CCDC148: variants seen among roughly 807,000 people sequenced by gnomAD.
CCDC148 encodes the protein coiled-coil domain-containing protein 148.
CCDC148 carries 89 observed loss-of-function variants against 85.7 expected under a neutral mutation model. That is an observed-to-expected ratio of 1.04 (90% CI 0.87 to 1.24). The LOEUF is 1.24. Among genes scored for constraint, CCDC148 ranks in the 50% most tolerant of loss-of-function variants. The probability of loss-of-function intolerance (pLI) is 0.00; values close to 1 mark genes in which losing one functional copy is unlikely to be tolerated. For missense variants in CCDC148, 692 were observed against 671.7 expected (o/e 1.03, Z -0.33); for synonymous variants, 230 against 213.9 (o/e 1.08, Z -0.66).
intron 1 of CCDC148, among the ~76,000 whole-genome samples, chr2:158,418,033 T>C (rs1028780176): frequency 6.6e-5 from 10 of 151,998 alleles, no homozygotes; most frequent in Admixed American, 1.3e-4. Flanking sequence ...CTATTATTTT[T>C]TTAAAAAATC....
At chr2:158,433,074 C>CAAAAAAAA (rs755383954) in intron 1 of CCDC148, among the ~76,000 whole-genome samples, 52 of 74,012 alleles carry the variant, frequency 7.0e-4, no homozygotes, top group East Asian at 1.1e-3. Context: ...CTCATCTCTA[C>CAAAAAAAA]AAAAAAAAAA....
chr2:158,177,882 C>T (rs540773041), intron 12 of CCDC148, among the ~76,000 whole-genome samples: 5 of 152,176 alleles, frequency 3.3e-5, no homozygotes, highest in African/African-American at 9.6e-5. Flanking sequence ...CTCGGTGTCT[C>T]CTCTGTTTCC....
At chr2:158,435,281 G>C (rs146876426) in intron 1 of CCDC148, among the ~76,000 whole-genome samples, 11,345 of 152,170 alleles carry the variant, frequency 0.075, 567 homozygotes, top group Middle Eastern at 0.11. Flanking sequence ...CAGATCTCTC[G>C]GCAGAAACTC....
chr2:158,360,881 G>A (rs1282026381), intron 1 of CCDC148, among the ~76,000 whole-genome samples: 1 of 151,866 alleles, frequency 6.6e-6, no homozygotes, highest in Non-Finnish European at 1.5e-5. Context: ...ACTCCCCCAA[G>A]CTAAAGGAGC....
chr2:158,198,310 T>A (rs192943494), intron 11 of CCDC148, among the ~76,000 whole-genome samples: 2 of 152,168 alleles, frequency 1.3e-5, no homozygotes, highest in African/African-American at 2.4e-5. Flanking sequence ...AGGGACAGTG[T>A]CATTTTTGTC....
At chr2:158,430,648 T>TACA (rs1687304173) in intron 1 of CCDC148, among the ~76,000 whole-genome samples, 1 of 152,154 alleles carries the variant, frequency 6.6e-6, no homozygotes, top group South Asian at 2.1e-4. Context: ...AAGATAAATA[T>TACA]TTAAGGTGAT....
intron 2 of CCDC148, among the ~76,000 whole-genome samples, chr2:158,355,816 T>C (rs1191659994): frequency 5.3e-5 from 7 of 132,730 alleles, no homozygotes; most frequent in African/African-American, 6.8e-5. Context: ...ATCACACTAC[T>C]TGACTTCAAA....
chr2:158,275,603 C>T (rs1408543923), intron 9 of CCDC148, among the ~76,000 whole-genome samples: 1 of 151,996 alleles, frequency 6.6e-6, no homozygotes, highest in African/African-American at 2.4e-5. Context: ...TTTATCAAAT[C>T]CCTGTCAATC....
chr2:158,430,011 C>T (rs1687266933), intron 1 of CCDC148, among the ~76,000 whole-genome samples: 1 of 152,168 alleles, frequency 6.6e-6, no homozygotes. Context: ...TGCATAAAAT[C>T]AGTTCATAAA....
chr2:158,429,461 G>T (rs948442602), intron 1 of CCDC148, among the ~76,000 whole-genome samples: 1 of 152,046 alleles, frequency 6.6e-6, no homozygotes, highest in Non-Finnish European at 1.5e-5. Context: ...GGTAAAGGAT[G>T]ATGAGCTAAA....
chr2:158,282,043 T>C lies in CCDC148; in HGVS notation c.1110+27390A>G, dbSNP rs376469696. ...GACAAAAACCACATGATTATCTCAATAGATGCAGAAAAGGCCTTTGACAAA... is the reference window on the plus strand; with the variant it reads ...GACAAAAACCACATGATTATCTCAACAGATGCAGAAAAGGCCTTTGACAAA... On this transcript the variant is annotated intron_variant, in intron 9 of 13. Transcript: ENST00000283233. Among the ~76,000 whole-genome samples the C allele has an allele frequency of 8.6e-3, 1,301 of 151,974 alleles. 13 individuals are homozygous for C. Among genetic ancestry groups the C allele is most frequent in the Non-Finnish European group, 0.013 (876 of 67,940 alleles).
At chr2:158,399,717 G>A (rs1265466287) in intron 1 of CCDC148, among the ~76,000 whole-genome samples, 1 of 152,108 alleles carries the variant, frequency 6.6e-6, no homozygotes, top group Non-Finnish European at 1.5e-5. Flanking sequence ...ACCAGCAGAA[G>A]ACAAGGATGC....
intron 11 of CCDC148, among the ~76,000 whole-genome samples, chr2:158,218,589 C>T (rs1371830628): frequency 1.3e-5 from 2 of 152,188 alleles, no homozygotes. Context: ...AGCCTGTATC[C>T]TAATGCTGGA....
At chr2:158,435,809 A>G (rs1026411601) in intron 1 of CCDC148, among the ~76,000 whole-genome samples, 1 of 152,212 alleles carries the variant, frequency 6.6e-6, no homozygotes, top group Non-Finnish European at 1.5e-5. Context: ...AAAACAAAAA[A>G]AAGCAGGGGT....
chr2:158,292,986 C>T (rs1185575549), intron 9 of CCDC148, among the ~76,000 whole-genome samples: 4 of 151,896 alleles, frequency 2.6e-5, no homozygotes, highest in Non-Finnish European at 4.4e-5. Flanking sequence ...TATTGAGTAC[C>T]CATTATGGAT....
At chr2:158,341,674 G>A (rs1306287092) in intron 3 of CCDC148, among the ~76,000 whole-genome samples, 1 of 151,792 alleles carries the variant, frequency 6.6e-6, no homozygotes, top group Non-Finnish European at 1.5e-5. Context: ...CTCTAAATGG[G>A]CATCCAAAAA....
chr2:158,201,568 T>C (rs1484040195), intron 11 of CCDC148, among the ~76,000 whole-genome samples: 1 of 151,836 alleles, frequency 6.6e-6, no homozygotes, highest in Non-Finnish European at 1.5e-5. Flanking sequence ...CGCCACCAAC[T>C]CTGGCTAATG....
At chr2:158,263,345 C>G (rs146311764) in intron 9 of CCDC148, among the ~76,000 whole-genome samples, 1 of 151,992 alleles carries the variant, frequency 6.6e-6, no homozygotes, top group African/African-American at 2.4e-5. Flanking sequence ...ATGGCTGGCA[C>G]AGTAAATACT....
At chr2:158,225,638 G>A (rs908570269) in intron 10 of CCDC148, among the ~76,000 whole-genome samples, 11 of 152,066 alleles carry the variant, frequency 7.2e-5, no homozygotes, top group South Asian at 6.2e-4. Flanking sequence ...ACTAGAACTC[G>A]GGATTAAGAA....
Sources: gnomAD v4.1 joint callset for allele counts (sites outside exome capture counted in the v4.1 genomes callset) on GRCh38, gnomAD v4.1.1 for gene constraint, MANE v1.5 for transcripts, NCBI Gene and HGNC (gene_info 2026-07-23, HGNC 2026-07-21) for gene names.